The following GLUD1 variants were observed in gnomAD, a reference collection of about 807,000 sequenced individuals.
The protein encoded by GLUD1 is glutamate dehydrogenase 1.
GLUD1 carries 22 observed loss-of-function variants against 56.0 expected under a neutral mutation model. That is an observed-to-expected ratio of 0.39 (90% CI 0.28 to 0.56). The LOEUF (loss-of-function observed/expected upper bound fraction) is 0.56, where lower values mean the gene tolerates loss of function less well. Among genes scored for constraint, GLUD1 ranks in the 20% least tolerant of loss-of-function variants. GLUD1 has a pLI of 0.58. For synonymous variants in GLUD1, 223 were observed against 269.9 expected, an observed-to-expected ratio of 0.83 and a Z score of 1.70; for missense variants, 451 against 732.0, an observed-to-expected ratio of 0.62 and a Z score of 4.43.
intron 1 of GLUD1, among the ~76,000 whole-genome samples, chr10:87,090,711 T>A (rs1841492108): frequency 6.6e-6 from 1 of 152,212 alleles, no homozygotes. Flanking sequence ...AAGTCCTAAA[T>A]TAAATTCACC....
chr10:87,055,128 C>G (rs1845733947), intron 11 of GLUD1, among the ~76,000 whole-genome samples: 1 of 152,152 alleles, frequency 6.6e-6, no homozygotes, highest in Non-Finnish European at 1.5e-5. Context: ...GGTTAGTGGT[C>G]AGGGTGTGAA....
chr10:87,064,250 TCAGAAA>T (rs1846017285), intron 5 of GLUD1, among the ~76,000 whole-genome samples: 3 of 152,116 alleles, frequency 2.0e-5, no homozygotes, highest in Admixed American at 2.0e-4. Flanking sequence ...ATATTCTTGT[TCAGAAA>T]CAGAAACAGG....
intron 1 of GLUD1, among the ~76,000 whole-genome samples, chr10:87,086,707 T>C (rs1841390801): frequency 6.7e-6 from 1 of 150,210 alleles, no homozygotes; most frequent in South Asian, 2.1e-4. Context: ...GGTGGGCGCC[T>C]GTAGTCCCAG....
intron 1 of GLUD1, among the ~76,000 whole-genome samples, chr10:87,079,273 A>T (rs1422259067): frequency 1.7e-5 from 2 of 115,334 alleles, no homozygotes; most frequent in Admixed American, 9.6e-5. Context: ...TTTGTATCTT[A>T]AAAAAAAAAA....
intron 1 of GLUD1, among the ~76,000 whole-genome samples, chr10:87,085,207 G>A (rs1276744225): frequency 2.0e-5 from 3 of 152,118 alleles, no homozygotes; most frequent in South Asian, 2.1e-4. Context: ...TTAGCTGGGC[G>A]TGGTGGTGCA....
At chr10:87,082,761 G>A (rs1841291644) in intron 1 of GLUD1, among the ~76,000 whole-genome samples, 1 of 152,030 alleles carries the variant, frequency 6.6e-6, no homozygotes, top group Non-Finnish European at 1.5e-5. Context: ...ATTTTAAAGT[G>A]CACCCATTAA....
rs1181773086 is a variant in GLUD1, at chr10:87,087,571, G to A, written c.445+6754C>T. Among the ~76,000 whole-genome samples the A allele has an allele frequency of 2.6e-5, 4 of 152,178 alleles. No individual in the cohort carries two copies. The East Asian group carries it at 7.7e-4, about 29-fold the overall frequency. ...AACAAAAGATGCTCCTATCACTCAGGAATTTGCGACATTCAGGAGCTCTGT... is the reference window on the plus strand; with the variant it reads ...AACAAAAGATGCTCCTATCACTCAGAAATTTGCGACATTCAGGAGCTCTGT... On this transcript the variant is annotated intron_variant, in intron 1 of 12. Coordinates refer to ENST00000277865, the MANE Select transcript of GLUD1 (RefSeq NM_005271.5).
At position 87,061,043 on chromosome 10, in the gene GLUD1, T is replaced by C; in HGVS notation, c.931A>G (p.Asn311Asp). ...TATCTCATAGAGTGTAGGCCCACAT[T>C]ACCAAATCCCTGTGAAGAACAATTA... ...DKTFVVQGFG[N>D]VGLHSMRYLH... The change falls in exon 7 of 13, where the codon AAT becomes GAT. Residue 311 changes from asparagine (N) to aspartate (D), a missense_variant. Physicochemically the swap from Asn to Asp is conservative, Grantham distance 23. Around this residue, in one of 4 missense-constraint regions of GLUD1, gnomAD observed 248 missense variants for 460.0 expected, o/e 0.54. Transcript: ENST00000277865. 1 of 1,613,474 alleles carries C rather than the reference T, an allele frequency of 6.2e-7. No homozygotes were observed. Among genetic ancestry groups the C allele is most frequent in the Non-Finnish European group, 8.5e-7 (1 of 1,179,436 alleles).
At chr10:87,079,314 T>C (rs7903094) in intron 1 of GLUD1, among the ~76,000 whole-genome samples, 9,337 of 151,112 alleles carry the variant, frequency 0.062, 608 homozygotes, top group African/African-American at 0.17. Flanking sequence ...GGCATGTGCG[T>C]GTAGTCGAAG....
In GLUD1 at chr10:87,059,160, G is replaced by A; in HGVS notation, c.1392C>T (p.Tyr464=). The A allele has an allele frequency of 6.2e-7, 1 of 1,612,784 alleles. No homozygotes were observed. The highest frequency in any genetic ancestry group is 1.7e-5 in the Admixed American group (1 of 60,016). The change falls in exon 10 of 13, where the codon TAC becomes TAT. Residue 464 remains tyrosine (Y), a synonymous_variant. Coordinates refer to ENST00000277865, the MANE Select transcript of GLUD1 (RefSeq NM_005271.5). ...LTFKYERDSN[Y]HLLMSVQESL... is the part of the protein sequence containing the mutation. ...ATTATCGATACTCACTGAGCAAGTG[G>A]TAGTTAGAATCCCTTTCATATTTGA...
At chr10:87,079,946 C>G (rs1260481247) in intron 1 of GLUD1, among the ~76,000 whole-genome samples, 1 of 129,742 alleles carries the variant, frequency 7.7e-6, no homozygotes, top group Non-Finnish European at 1.6e-5. Flanking sequence ...CTCTCCCTCT[C>G]CCCACGGTCT....
At chr10:87,071,672 A>G (rs1298653538) in intron 4 of GLUD1, among the ~76,000 whole-genome samples, 1 of 152,186 alleles carries the variant, frequency 6.6e-6, no homozygotes, top group East Asian at 1.9e-4. Context: ...TGATATTTAC[A>G]CTCACACAAG....
intron 12 of GLUD1, among the ~76,000 whole-genome samples, chr10:87,052,891 A>C (rs1845676134): frequency 6.6e-6 from 1 of 152,148 alleles, no homozygotes; most frequent in African/African-American, 2.4e-5. Flanking sequence ...TTTCATCATA[A>C]ATCCAAGCAG....
intron 1 of GLUD1, among the ~76,000 whole-genome samples, chr10:87,088,755 A>T (rs543151967): frequency 8.5e-5 from 13 of 152,360 alleles, no homozygotes; most frequent in African/African-American, 3.1e-4. Context: ...CAAGAATAAT[A>T]ATCAAGAGAA....
chr10:87,082,640 A>G (rs1439876772), intron 1 of GLUD1, among the ~76,000 whole-genome samples: 1 of 152,204 alleles, frequency 6.6e-6, no homozygotes, highest in African/African-American at 2.4e-5. Context: ...AAGAAGAAAC[A>G]TTTTCATTTT....
intron 1 of GLUD1, among the ~76,000 whole-genome samples, chr10:87,086,823 C>T (rs1384259076): frequency 6.8e-6 from 1 of 146,164 alleles, no homozygotes; most frequent in South Asian, 2.2e-4. Flanking sequence ...AGCGAGACTC[C>T]GTCTCAAAGA....
At chr10:87,058,090 G>A (rs1320206248) in intron 10 of GLUD1, among the ~76,000 whole-genome samples, 2 of 152,116 alleles carry the variant, frequency 1.3e-5, no homozygotes, top group African/African-American at 2.4e-5. Flanking sequence ...GGATGGTCTC[G>A]ACCTCCTGAC....
intron 10 of GLUD1, among the ~76,000 whole-genome samples, chr10:87,058,767 T>A (rs570461103): frequency 6.6e-6 from 1 of 152,142 alleles, no homozygotes; most frequent in Non-Finnish European, 1.5e-5. Flanking sequence ...GGTGAGTGCC[T>A]GTAGCCCCAG....
intron 1 of GLUD1, among the ~76,000 whole-genome samples, chr10:87,083,044 C>T (rs1187043197): frequency 6.6e-6 from 1 of 152,014 alleles, no homozygotes; most frequent in African/African-American, 2.4e-5. Flanking sequence ...AGTTTGAGAC[C>T]AGCTTGGCCA....
Sources: gnomAD v4.1 joint callset for allele counts (sites outside exome capture counted in the v4.1 genomes callset) on GRCh38, gnomAD v4.1.1 for gene constraint, gnomAD v4.1.1 regional missense constraint, MANE v1.5 for transcripts, NCBI Gene and HGNC (gene_info 2026-07-23, HGNC 2026-07-21) for gene names.